ACOXL: variants seen among roughly 807,000 people sequenced by gnomAD.
ACOXL encodes the protein acyl-CoA oxidase like.
Under a neutral mutation model 71.9 loss-of-function variants are expected in ACOXL, and 70 were observed. That is an observed-to-expected ratio of 0.97 (90% CI 0.80 to 1.19). The LOEUF is 1.19. ACOXL is among the 50% of genes most tolerant of loss of function. The pLI, the probability that ACOXL is intolerant of heterozygous loss-of-function variation, is 0.00. For missense variants in ACOXL, 703 were observed against 736.3 expected (o/e 0.95, Z 0.52); for synonymous variants, 253 against 281.6 (o/e 0.90, Z 1.02).
At chr2:110,984,038 G>C (rs1482834475) in intron 12 of ACOXL, among the ~76,000 whole-genome samples, 1 of 151,964 alleles carries the variant, frequency 6.6e-6, no homozygotes, top group Non-Finnish European at 1.5e-5. Flanking sequence ...TAGAGACGGG[G>C]TTTCACTATG....
At chr2:110,943,162 GA>G (rs34037443) in intron 12 of ACOXL, among the ~76,000 whole-genome samples, 64,831 of 136,488 alleles carry the variant, frequency 0.47, 16,105 homozygotes, top group East Asian at 0.6. Context: ...GAAAGAAAAA[GA>G]AAAAGGGAGG....
chr2:110,932,834 A>AAGG (rs2060525552), intron 11 of ACOXL, among the ~76,000 whole-genome samples: 1 of 152,156 alleles, frequency 6.6e-6, no homozygotes, highest in Non-Finnish European at 1.5e-5. Context: ...ACAGAAAGCA[A>AAGG]AGGAGAGGTT....
intron 12 of ACOXL, among the ~76,000 whole-genome samples, chr2:110,964,727 G>A (rs934293323): frequency 6.6e-6 from 1 of 152,190 alleles, no homozygotes; most frequent in Non-Finnish European, 1.5e-5. Flanking sequence ...AGGGATACAT[G>A]TGATGTTTTG....
At chr2:110,847,393 T>C (rs930529362) in intron 10 of ACOXL, among the ~76,000 whole-genome samples, 1 of 152,192 alleles carries the variant, frequency 6.6e-6, no homozygotes, top group African/African-American at 2.4e-5. Flanking sequence ...GCGTGGAATC[T>C]GTGCACATGT....
At chr2:110,943,269 GGAGGGAAA>G (rs2060962393) in intron 12 of ACOXL, among the ~76,000 whole-genome samples, 1 of 148,618 alleles carries the variant, frequency 6.7e-6, no homozygotes, top group African/African-American at 2.5e-5. Flanking sequence ...AAGGAGGGAG[GGAGGGAAA>G]GAAAGAAGGA....
intron 12 of ACOXL, among the ~76,000 whole-genome samples, chr2:110,973,275 C>T (rs59899855): frequency 0.067 from 10,163 of 152,228 alleles, 860 homozygotes; most frequent in East Asian, 0.43. Context: ...GAATGCAAAG[C>T]ATGGAATGAA....
chr2:110,897,571 G>C (rs1396964995), intron 10 of ACOXL, among the ~76,000 whole-genome samples: 1 of 152,124 alleles, frequency 6.6e-6, no homozygotes. Context: ...TATGAGGGCC[G>C]AGCCCTTATG....
chr2:110,989,896 C>G (rs912155235), intron 13 of ACOXL, among the ~76,000 whole-genome samples: 1 of 152,004 alleles, frequency 6.6e-6, no homozygotes, highest in Non-Finnish European at 1.5e-5. Context: ...TAAAATTAGC[C>G]AGGCATGGTG....
At chr2:110,733,755 G>C (rs947590239) in intron 1 of ACOXL, among the ~76,000 whole-genome samples, 1 of 151,990 alleles carries the variant, frequency 6.6e-6, no homozygotes, top group Non-Finnish European at 1.5e-5. Flanking sequence ...GAGAAGTGTG[G>C]GATGGTGGGT....
chr2:110,769,945 G>A (rs919505321), intron 2 of ACOXL, among the ~76,000 whole-genome samples: 4 of 152,044 alleles, frequency 2.6e-5, no homozygotes, highest in African/African-American at 7.2e-5. Flanking sequence ...GGACGCTGAG[G>A]TGGGAGGATC....
intron 12 of ACOXL, chr2:110,968,157 G>A: frequency 7.9e-7 from 1 of 1,264,812 alleles, no homozygotes. Context: ...TGGCCCGCAG[G>A]CTTCTCAATA....
At chr2:110,856,933 T>A (rs1340028534) in intron 10 of ACOXL, among the ~76,000 whole-genome samples, 2 of 152,258 alleles carry the variant, frequency 1.3e-5, no homozygotes. Flanking sequence ...GTTAAGACTC[T>A]CTGACAATTC....
chr2:110,961,976 G>A (rs1431185084), intron 12 of ACOXL, among the ~76,000 whole-genome samples: 2 of 152,240 alleles, frequency 1.3e-5, no homozygotes, highest in Non-Finnish European at 2.9e-5. Context: ...TACAATTCAA[G>A]ATGAGATTTG....
intron 9 of ACOXL, among the ~76,000 whole-genome samples, chr2:110,820,000 T>C (rs1688404857): frequency 6.6e-6 from 1 of 152,152 alleles, no homozygotes. Flanking sequence ...TGGGATTCTG[T>C]GAGCTTGATA....
At chr2:110,811,880 G>A (rs934783107) in intron 9 of ACOXL, among the ~76,000 whole-genome samples, 9 of 152,054 alleles carry the variant, frequency 5.9e-5, no homozygotes, top group Admixed American at 2.6e-4. Context: ...GGCCATCTGT[G>A]AAATACACAG....
At chr2:110,902,673 G>C (rs1263649804) in intron 10 of ACOXL, among the ~76,000 whole-genome samples, 2 of 152,200 alleles carry the variant, frequency 1.3e-5, no homozygotes, top group African/African-American at 4.8e-5. Context: ...TTACATCCTG[G>C]CTGGCCAGCT....
rs2066162971 is a variant in ACOXL at position 111,049,212 on chromosome 2, T to G, written c.1370-6T>G. 2 of 1,607,060 alleles carry G rather than the reference T, an allele frequency of 1.2e-6. No homozygotes were observed. Among genetic ancestry groups the G allele is most frequent in the Middle Eastern group, 1.7e-4 (1 of 6,038 alleles). On this transcript the variant is annotated splice_region_variant and splice_polypyrimidine_tract_variant and intron_variant, in intron 15 of 17. Coordinates refer to ENST00000439055, the MANE Select transcript of ACOXL (RefSeq NM_001142807.4). ...TCATTCACAATTTCCATTTCTTCCC[T>G]TCCAGTTACCTTAGAGCAGTTCTCC...
chr2:110,923,978 A>C (rs527530961), intron 11 of ACOXL, among the ~76,000 whole-genome samples: 1 of 152,102 alleles, frequency 6.6e-6, no homozygotes, highest in African/African-American at 2.4e-5. Flanking sequence ...GTCAGTACAG[A>C]TATACCTCAG....
intron 10 of ACOXL, among the ~76,000 whole-genome samples, chr2:110,866,018 A>G (rs1014612754): frequency 2.0e-5 from 3 of 152,172 alleles, no homozygotes; most frequent in Non-Finnish European, 2.9e-5. Context: ...TTTCCTCCCC[A>G]GAGTGGTAAA....
Sources: gnomAD v4.1 joint callset for allele counts (sites outside exome capture counted in the v4.1 genomes callset) on GRCh38, gnomAD v4.1.1 for gene constraint, MANE v1.5 for transcripts, NCBI Gene and HGNC (gene_info 2026-07-23, HGNC 2026-07-21) for gene names.